The following CDK14 variants were observed in gnomAD, a reference collection of about 807,000 sequenced individuals.
CDK14 encodes cyclin dependent kinase 14, also known as cyclin-dependent kinase 14.
In CDK14, 34 loss-of-function variants were observed where a neutral mutation model predicts 60.7. The ratio of observed to expected loss-of-function variants is 0.56; its 90% CI spans 0.43 to 0.75. The LOEUF is 0.75. Among genes scored for constraint, CDK14 ranks in the 30% least tolerant of loss-of-function variants. CDK14 has a pLI of 0.00. For synonymous variants in CDK14, 197 were observed against 203.7 expected (o/e 0.97, Z 0.28); for missense variants, 482 against 564.1 (o/e 0.85, Z 1.47).
chr7:90,808,486 C>G (rs1370830561), intron 5 of CDK14, among the ~76,000 whole-genome samples: 1 of 152,178 alleles, frequency 6.6e-6, no homozygotes, highest in African/African-American at 2.4e-5. Flanking sequence ...TAGAAAGGAA[C>G]AACTGGTAAC....
At chr7:91,201,538 A>G (rs1240185730) in intron 14 of CDK14, among the ~76,000 whole-genome samples, 1 of 152,066 alleles carries the variant, frequency 6.6e-6, no homozygotes, top group Non-Finnish European at 1.5e-5. Flanking sequence ...GGAAAAAAAA[A>G]AAACAACAAA....
At chr7:91,053,175 G>A (rs897886470) in intron 11 of CDK14, among the ~76,000 whole-genome samples, 8 of 152,140 alleles carry the variant, frequency 5.3e-5, no homozygotes, top group Admixed American at 2.0e-4. Context: ...TATTTACAAA[G>A]CATTTTAATA....
At chr7:90,967,590 T>C (rs1794791096) in intron 9 of CDK14, among the ~76,000 whole-genome samples, 1 of 152,134 alleles carries the variant, frequency 6.6e-6, no homozygotes, top group Non-Finnish European at 1.5e-5. Flanking sequence ...AACAAATTTA[T>C]GAAAACCAAC....
At chr7:90,841,622 T>C (rs1210040209) in intron 5 of CDK14, among the ~76,000 whole-genome samples, 7 of 150,222 alleles carry the variant, frequency 4.7e-5, no homozygotes, top group Admixed American at 4.0e-4. Context: ...TTATGAAGTT[T>C]CTGATAATAA....
chr7:90,879,605 G>A (rs1791675283), intron 6 of CDK14, among the ~76,000 whole-genome samples: 1 of 152,114 alleles, frequency 6.6e-6, no homozygotes, highest in Admixed American at 6.5e-5. Flanking sequence ...TTGTAGATGT[G>A]TGGTGTTATT....
At chr7:90,671,240 G>C (rs1381670140) in intron 2 of CDK14, among the ~76,000 whole-genome samples, 1 of 151,974 alleles carries the variant, frequency 6.6e-6, no homozygotes, top group Non-Finnish European at 1.5e-5. Flanking sequence ...TACTGAATTT[G>C]AGATCAAGTA....
intron 9 of CDK14, among the ~76,000 whole-genome samples, chr7:90,974,085 G>T (rs528499093): frequency 1.3e-5 from 2 of 152,174 alleles, no homozygotes; most frequent in South Asian, 2.1e-4. Context: ...TCCTTCGCTA[G>T]GGTATCAATT....
At chr7:90,860,741 T>C (rs1198659681) in intron 5 of CDK14, among the ~76,000 whole-genome samples, 1 of 152,036 alleles carries the variant, frequency 6.6e-6, no homozygotes, top group Non-Finnish European at 1.5e-5. Flanking sequence ...ATCAGGATGG[T>C]CTCAATCTCT....
chr7:90,944,067 G>C (rs1052767034), intron 8 of CDK14, among the ~76,000 whole-genome samples: 1 of 152,106 alleles, frequency 6.6e-6, no homozygotes, highest in African/African-American at 2.4e-5. Flanking sequence ...ATCATGTTTT[G>C]CCCTTTTGTA....
Position 90,955,785 on chromosome 7 carries a change from C to T in CDK14, c.915C>T (p.Gly305=). The change falls in exon 9 of 15, where the codon GGC becomes GGT. Residue 305 remains glycine, a synonymous_variant. Transcript: ENST00000380050. ...ACAGACCTCCAGATGTCCTTCTAGG[C>T]TCAACAGAATATTCCACCTGCCTTG... ...LWYRPPDVLL[G]STEYSTCLDM... 1.2e-6 allele frequency: 2 copies of T among 1,613,374 alleles called. No homozygotes were observed. The highest frequency in any genetic ancestry group is 1.7e-6 in the Non-Finnish European group (2 of 1,179,424).
intron 2 of CDK14, among the ~76,000 whole-genome samples, chr7:90,640,704 C>G (rs1329552940): frequency 1.3e-5 from 2 of 151,926 alleles, no homozygotes; most frequent in Admixed American, 1.3e-4. Context: ...TCTGTGAGAT[C>G]ATCAGAGTGT....
intron 2 of CDK14, among the ~76,000 whole-genome samples, chr7:90,718,144 C>A (rs1307889499): frequency 6.6e-6 from 1 of 151,980 alleles, no homozygotes; most frequent in Non-Finnish European, 1.5e-5. Context: ...TTGCCAGATG[C>A]TCTACAACGT....
intron 12 of CDK14, among the ~76,000 whole-genome samples, chr7:91,098,864 G>A (rs1167257892): frequency 6.6e-6 from 1 of 152,120 alleles, no homozygotes; most frequent in Non-Finnish European, 1.5e-5. Flanking sequence ...GTTGGTTTAA[G>A]CCTGTAAAAA....
intron 5 of CDK14, among the ~76,000 whole-genome samples, chr7:90,844,508 CT>C (rs1790399149): frequency 6.6e-6 from 1 of 152,076 alleles, no homozygotes; most frequent in Admixed American, 6.6e-5. Flanking sequence ...CTCTTCTACT[CT>C]GAAATGAAAT....
At chr7:90,607,697 G>T (rs1162206315) in intron 2 of CDK14, among the ~76,000 whole-genome samples, 1 of 152,132 alleles carries the variant, frequency 6.6e-6, no homozygotes, top group East Asian at 1.9e-4. Context: ...AGGGCTTCAG[G>T]TATTTACAAT....
chr7:90,806,104 C>A (rs192704287), intron 5 of CDK14, among the ~76,000 whole-genome samples: 145 of 152,172 alleles, frequency 9.5e-4, no homozygotes, highest in African/African-American at 3.4e-3. Context: ...AAGATATACA[C>A]CCTTATATAA....
In CDK14 at chr7:91,077,066, A is replaced by G. The variant is rs555953857; in HGVS notation, c.1106-2366A>G. Among the ~76,000 whole-genome samples the G allele has an allele frequency of 5.3e-5, 8 of 152,354 alleles. No homozygotes were observed. The East Asian group carries it at 1.2e-3, about 22-fold the overall frequency. On this transcript the variant is annotated intron_variant, in intron 11 of 14. Coordinates refer to ENST00000380050, the MANE Select transcript of CDK14 (RefSeq NM_001287135.2). ...GTTAGTGGGAATGTGAATTAGTTCAATCATGGTGGAAGACAGTGTGGTGAT... is the reference window on the plus strand; with the variant it reads ...GTTAGTGGGAATGTGAATTAGTTCAGTCATGGTGGAAGACAGTGTGGTGAT...
chr7:90,768,750 A>T (rs1804668413), intron 4 of CDK14, among the ~76,000 whole-genome samples: 1 of 152,200 alleles, frequency 6.6e-6, no homozygotes, highest in African/African-American at 2.4e-5. Context: ...AGTTCAGCTG[A>T]CTAATTAGTG....
At chr7:90,651,512 C>G (rs945373608) in intron 2 of CDK14, among the ~76,000 whole-genome samples, 1 of 152,144 alleles carries the variant, frequency 6.6e-6, no homozygotes, top group African/African-American at 2.4e-5. Context: ...TTTTTTAAGT[C>G]TCTTAACACC....
Sources: allele counts gnomAD v4.1 joint callset (sites outside exome capture counted in the v4.1 genomes callset), GRCh38; gene constraint gnomAD v4.1.1; transcripts MANE v1.5; gene names NCBI Gene and HGNC (gene_info 2026-07-23, HGNC 2026-07-21).